Variants in CADM2 observed in about 807,000 individuals in gnomAD.
CADM2 encodes immunoglobulin superfamily member 4D.
A neutral mutation model predicts 49.8 loss-of-function variants in CADM2; 12 were observed. That is an observed-to-expected ratio of 0.24 (90% confidence interval 0.15 to 0.39). The LOEUF (loss-of-function observed/expected upper bound fraction) is 0.39. Ranked by LOEUF, CADM2 falls within the 10% of genes least tolerant of loss-of-function variation. The pLI is 1.00. For missense variants in CADM2, 378 were observed against 492.3 expected, an observed-to-expected ratio of 0.77 and a Z score of 2.20; for synonymous variants, 214 against 175.4, an observed-to-expected ratio of 1.22 and a Z score of -1.74.
chr3:85,104,723 G>T (rs748923043), intron 1 of CADM2, among the ~76,000 whole-genome samples: 1 of 152,076 alleles, frequency 6.6e-6, no homozygotes, highest in Non-Finnish European at 1.5e-5. Flanking sequence ...TCTTCCATTT[G>T]TTTGTATCGT....
At chr3:85,251,909 T>A (rs192514475) in intron 1 of CADM2, among the ~76,000 whole-genome samples, 12 of 152,084 alleles carry the variant, frequency 7.9e-5, no homozygotes, top group African/African-American at 2.6e-4. Flanking sequence ...TTGGAAGGAT[T>A]ATCTGGTCAA....
intron 8 of CADM2, among the ~76,000 whole-genome samples, chr3:86,018,600 GT>G (rs1279044922): frequency 6.6e-6 from 1 of 152,162 alleles, no homozygotes. Context: ...TTGCATTGCG[GT>G]TTTGATTTGC....
chr3:85,293,157 C>A (rs932743123), intron 1 of CADM2, among the ~76,000 whole-genome samples: 13 of 152,260 alleles, frequency 8.5e-5, no homozygotes, highest in Admixed American at 6.5e-4. Flanking sequence ...ATACTACAAA[C>A]ACCTCTACGC....
chr3:85,480,303 T>C, intron 1 of CADM2, among the ~76,000 whole-genome samples: 1 of 152,018 alleles, frequency 6.6e-6, no homozygotes, highest in Middle Eastern at 3.4e-3. Flanking sequence ...ACCATATTGT[T>C]TTCATTATAA....
chr3:85,471,558 T>G (rs1309963601), intron 1 of CADM2, among the ~76,000 whole-genome samples: 2 of 152,038 alleles, frequency 1.3e-5, no homozygotes, highest in Non-Finnish European at 2.9e-5. Flanking sequence ...ATCATCAGGG[T>G]GCTGGAATTT....
intron 2 of CADM2, among the ~76,000 whole-genome samples, chr3:85,764,986 T>G (rs1367939610): frequency 6.6e-6 from 1 of 152,042 alleles, no homozygotes; most frequent in Non-Finnish European, 1.5e-5. Flanking sequence ...TTTTGTTTTT[T>G]TCTAAAGTGC....
chr3:85,746,783 C>A (rs1483878396), intron 2 of CADM2, among the ~76,000 whole-genome samples: 1 of 152,076 alleles, frequency 6.6e-6, no homozygotes, highest in African/African-American at 2.4e-5. Context: ...AGCTGCCCTT[C>A]CAATTTCTCT....
At chr3:85,635,913 C>G (rs897237462) in intron 1 of CADM2, among the ~76,000 whole-genome samples, 3 of 152,118 alleles carry the variant, frequency 2.0e-5, no homozygotes, top group African/African-American at 7.2e-5. Context: ...TTGCAGCCGT[C>G]ATAACATTGT....
intron 1 of CADM2, among the ~76,000 whole-genome samples, chr3:85,248,617 G>A (rs1325120713): frequency 6.6e-6 from 1 of 152,110 alleles, no homozygotes; most frequent in African/African-American, 2.4e-5. Context: ...TATTTATTAC[G>A]TGAATGTTCA....
chr3:85,243,457 C>A (rs1164025875), intron 1 of CADM2, among the ~76,000 whole-genome samples: 1 of 151,990 alleles, frequency 6.6e-6, no homozygotes, highest in Non-Finnish European at 1.5e-5. Flanking sequence ...TTCCAAAGAA[C>A]TATCATTCAT....
chr3:85,074,942 A>T (rs2036886885), intron 1 of CADM2, among the ~76,000 whole-genome samples: 1 of 152,058 alleles, frequency 6.6e-6, no homozygotes, highest in Non-Finnish European at 1.5e-5. Flanking sequence ...ATCCAGAAAA[A>T]TTTGAATAAA....
chr3:85,544,537 A>T (rs1043729665), intron 1 of CADM2, among the ~76,000 whole-genome samples: 7 of 152,292 alleles, frequency 4.6e-5, no homozygotes, highest in Admixed American at 2.6e-4. Flanking sequence ...AGATCGCGCC[A>T]CTGCACTCCT....
At chr3:85,330,296 G>T (rs1489693316) in intron 1 of CADM2, among the ~76,000 whole-genome samples, 1 of 151,940 alleles carries the variant, frequency 6.6e-6, no homozygotes, top group African/African-American at 2.4e-5. Flanking sequence ...TGAGTCGCTT[G>T]TTCTCTTTTG....
intron 1 of CADM2, among the ~76,000 whole-genome samples, chr3:85,526,835 C>T (rs969341139): frequency 2.0e-5 from 3 of 152,056 alleles, no homozygotes; most frequent in Non-Finnish European, 2.9e-5. Flanking sequence ...GTATTATCCC[C>T]ATTTTATAGC....
chr3:85,987,154 G>A (rs1437292510), intron 8 of CADM2, among the ~76,000 whole-genome samples: 1 of 151,826 alleles, frequency 6.6e-6, no homozygotes, highest in Non-Finnish European at 1.5e-5. Flanking sequence ...TGCTGCATTT[G>A]GAAAATATCT....
intron 1 of CADM2, among the ~76,000 whole-genome samples, chr3:85,558,554 A>C (rs139353525): frequency 6.6e-6 from 1 of 152,176 alleles, no homozygotes; most frequent in African/African-American, 2.4e-5. Context: ...GGTTCTGATA[A>C]TGCCATCATT....
chr3:85,031,074 G>C (rs1209126292), intron 1 of CADM2, among the ~76,000 whole-genome samples: 1 of 152,142 alleles, frequency 6.6e-6, no homozygotes, highest in Non-Finnish European at 1.5e-5. Flanking sequence ...ACTGGACTAG[G>C]AGGCAGATAA....
chr3:85,648,205 C>T (rs1331673726), intron 1 of CADM2, among the ~76,000 whole-genome samples: 1 of 151,808 alleles, frequency 6.6e-6, no homozygotes, highest in African/African-American at 2.4e-5. Flanking sequence ...ATATGACACA[C>T]TTTTTTCTAT....
Position 85,886,309 on chromosome 3 carries a change from A to G in CADM2, c.511A>G (p.Asn171Asp). Reference protein sequence around the residue: ...KPAADIRWFKNDKEIKDVKYL... With the variant: ...KPAADIRWFKDDKEIKDVKYL... ...TGCAGCTGATATAAGATGGTTCAAA[A>G]ATGACAAAGAGATTAAAGGTAAAGA... is the stretch of plus-strand genomic sequence containing the variant. The change falls in exon 5 of 10, where the codon AAT becomes GAT. Residue 171 changes from asparagine to aspartate, a missense_variant. Physicochemically the swap from Asn to Asp is conservative, Grantham distance 23. Transcript: ENST00000383699. 1 of 1,612,786 alleles carries G rather than the reference A, an allele frequency of 6.2e-7. No individual in the cohort carries two copies. The highest frequency in any genetic ancestry group is 8.5e-7 in the Non-Finnish European group (1 of 1,178,964).
Sources: allele counts gnomAD v4.1 joint callset (sites outside exome capture counted in the v4.1 genomes callset), GRCh38; gene constraint gnomAD v4.1.1; transcripts MANE v1.5; gene names NCBI Gene and HGNC (gene_info 2026-07-23, HGNC 2026-07-21).